The following CDC42BPA variants were observed in gnomAD, a reference collection of about 807,000 sequenced individuals.
CDC42BPA encodes serine/threonine-protein kinase MRCK alpha.
CDC42BPA carries 80 observed loss-of-function variants against 223.5 expected under a neutral mutation model. The ratio of observed to expected loss-of-function variants is 0.36; its 90% CI spans 0.30 to 0.43. The LOEUF (loss-of-function observed/expected upper bound fraction) is 0.43. CDC42BPA is among the 20% of genes least tolerant of loss of function. CDC42BPA has a pLI of 1.00. For missense variants in CDC42BPA, 1,743 were observed against 2,099.9 expected (o/e 0.83, Z 3.32); for synonymous variants, 694 against 718.6 (o/e 0.97, Z 0.55).
intron 4 of CDC42BPA, among the ~76,000 whole-genome samples, chr1:227,196,188 A>G (rs6662583): frequency 0.37 from 55,599 of 151,642 alleles, 10,321 homozygotes; most frequent in Middle Eastern, 0.39. Flanking sequence ...TGAGCATTTC[A>G]AGGAACAGAT....
At chr1:227,225,772 G>A (rs752498343) in intron 2 of CDC42BPA, among the ~76,000 whole-genome samples, 3 of 144,674 alleles carry the variant, frequency 2.1e-5, no homozygotes, top group African/African-American at 5.2e-5. Flanking sequence ...AATACATTTA[G>A]TGAAGCAGGG....
intron 17 of CDC42BPA, among the ~76,000 whole-genome samples, chr1:227,075,739 A>G (rs1679340707): frequency 6.6e-6 from 1 of 152,120 alleles, no homozygotes; most frequent in Non-Finnish European, 1.5e-5. Context: ...TAGAATACAA[A>G]AAAGATACTT....
chr1:227,193,085 T>G (rs1399591207), intron 5 of CDC42BPA, among the ~76,000 whole-genome samples: 6 of 145,068 alleles, frequency 4.1e-5, no homozygotes, highest in African/African-American at 1.5e-4. Flanking sequence ...TTTTTTTTTT[T>G]GGAGACAGAG....
At position 227,317,240 on chromosome 1, in the gene CDC42BPA, T is replaced by C. The variant is rs1573058248; in HGVS notation, c.-58A>G. The C allele has an allele frequency of 6.5e-7, 1 of 1,528,654 alleles. No homozygotes were observed. The highest frequency in any genetic ancestry group is 8.8e-7 in the Non-Finnish European group (1 of 1,130,116). 94.7% of individuals were successfully genotyped at this position (1,528,654 alleles called of 1,614,324 possible). A position where few individuals can be genotyped will look rare whatever the true frequency, so the allele number is the denominator to read the frequency against. On this transcript the variant is annotated 5_prime_UTR_variant, in exon 1 of 37. Coordinates refer to ENST00000366766, the MANE Select transcript of CDC42BPA (RefSeq NM_001394014.1). ...ATTATTATGATGACTTTTACTATTA[T>C]CTGAACCTAAATTTTAAAAGGTATG... is the stretch of plus-strand genomic sequence containing the variant.
At chr1:227,191,979 A>AC (rs1396418199) in intron 5 of CDC42BPA, among the ~76,000 whole-genome samples, 1 of 151,402 alleles carries the variant, frequency 6.6e-6, no homozygotes. Flanking sequence ...TAAAAAAAAA[A>AC]AACTGCATTG....
intron 3 of CDC42BPA, among the ~76,000 whole-genome samples, chr1:227,201,060 T>C (rs1445413002): frequency 6.6e-6 from 1 of 152,236 alleles, no homozygotes; most frequent in Non-Finnish European, 1.5e-5. Context: ...TTTAAAGTTG[T>C]AGTTTATTCT....
intron 2 of CDC42BPA, among the ~76,000 whole-genome samples, chr1:227,225,089 T>C (rs892818259): frequency 6.6e-6 from 1 of 152,192 alleles, no homozygotes; most frequent in Admixed American, 6.5e-5. Flanking sequence ...CCATAAGAAA[T>C]CAGATTTACA....
rs760038913 is a variant in CDC42BPA at position 227,213,208 on chromosome 1, T to A, written c.282A>T (p.Val94=). 2.7e-6 allele frequency: 4 copies of A among 1,503,584 alleles called. No individual in the cohort carries two copies. The South Asian group carries it at 4.8e-5, about 18-fold the overall frequency. The allele number at this position is 1,503,584 out of a possible 1,614,324, so 93.1% of individuals were successfully genotyped here. A position where few individuals can be genotyped will look rare whatever the true frequency, so the allele number is the denominator to read the frequency against. Residue 94 remains valine (V), a synonymous_variant, in exon 3 of 37, where the codon GTA becomes GTT. Transcript: ENST00000366766. ...GRGAFGEVAV[V]KLKNADKVFA... ...ACACTTTATCTGCATTTTTTAGTTTTACTACAGCAACCTAGAAAAGATAAA... is the reference window on the plus strand; with the variant it reads ...ACACTTTATCTGCATTTTTTAGTTTAACTACAGCAACCTAGAAAAGATAAA...
At chr1:227,253,649 T>TACA (rs1343897789) in intron 2 of CDC42BPA, among the ~76,000 whole-genome samples, 40 of 113,790 alleles carry the variant, frequency 3.5e-4, no homozygotes, top group African/African-American at 7.3e-4. Context: ...CATACATACA[T>TACA]TCATACATAA....
At chr1:227,063,415 T>C (rs1391136187) in intron 21 of CDC42BPA, among the ~76,000 whole-genome samples, 2 of 152,106 alleles carry the variant, frequency 1.3e-5, no homozygotes, top group Admixed American at 1.3e-4. Context: ...CTAATAGTTT[T>C]TAAGGTTCAA....
chr1:227,025,790 T>C (rs911615931), intron 31 of CDC42BPA, among the ~76,000 whole-genome samples: 1 of 152,162 alleles, frequency 6.6e-6, no homozygotes, highest in Non-Finnish European at 1.5e-5. Context: ...CATTTTAAGT[T>C]GTAGGATATA....
chr1:227,130,337 T>C (rs551111439), intron 10 of CDC42BPA, among the ~76,000 whole-genome samples: 8 of 152,162 alleles, frequency 5.3e-5, no homozygotes, highest in Non-Finnish European at 1.2e-4. Flanking sequence ...AGTCAATAAA[T>C]ATTTGTTAAT....
chr1:227,043,870 G>C (rs776646864), intron 23 of CDC42BPA, among the ~76,000 whole-genome samples: 44 of 152,122 alleles, frequency 2.9e-4, no homozygotes, highest in Non-Finnish European at 3.8e-4. Context: ...GTAAAGGAAA[G>C]AGATTTTTCT....
At chr1:226,996,003 C>T (rs142514724) in intron 35 of CDC42BPA, among the ~76,000 whole-genome samples, 2,165 of 152,348 alleles carry the variant, frequency 0.014, 20 homozygotes, top group Middle Eastern at 0.044. Flanking sequence ...GCACATTTAT[C>T]TAATGACCAC....
chr1:227,030,456 C>T lies in CDC42BPA; in HGVS notation c.3790G>A (p.Ala1264Thr). Residue 1264 changes from alanine to threonine, a missense_variant, in exon 29 of 37, where the codon GCT (alanine) becomes ACT (threonine). Physicochemically the swap from Ala to Thr is moderately conservative, Grantham distance 58. Coordinates refer to ENST00000366766, the MANE Select transcript of CDC42BPA (RefSeq NM_001394014.1). ...AATAACCCTTCTTCGTTTCCCAAAGCAATTCTTTCATGATCTATGTAAGAC... is the reference window on the plus strand; with the variant it reads ...AATAACCCTTCTTCGTTTCCCAAAGTAATTCTTTCATGATCTATGTAAGAC... Reference protein sequence around the residue: ...AAAIIDHERIALGNEEGLFVV... With the variant: ...AAAIIDHERITLGNEEGLFVV... The T allele has an allele frequency of 6.3e-7, 1 of 1,598,672 alleles. No individual in the cohort carries two copies. Among genetic ancestry groups the T allele is most frequent in the Non-Finnish European group, 8.5e-7 (1 of 1,171,960 alleles).
intron 1 of CDC42BPA, among the ~76,000 whole-genome samples, chr1:227,316,298 C>T (rs1180038667): frequency 6.6e-6 from 1 of 152,174 alleles, no homozygotes; most frequent in Non-Finnish European, 1.5e-5. Flanking sequence ...TATTCCACTA[C>T]AGTAGGTCTT....
intron 1 of CDC42BPA, among the ~76,000 whole-genome samples, chr1:227,268,440 C>A (rs143024690): frequency 0.011 from 1,640 of 151,836 alleles, 33 homozygotes; most frequent in African/African-American, 0.037. Context: ...AAGACACACG[C>A]CCCCACCAGG....
rs1469608138 is a variant in CDC42BPA at position 227,023,227 on chromosome 1, A to G, written c.4615+36T>C. 5 of 994,342 alleles carry G rather than the reference A, an allele frequency of 5.0e-6. No individual in the cohort carries two copies. The Admixed American group carries it at 6.3e-5, about 13-fold the overall frequency. 61.6% of individuals were successfully genotyped at this position (994,342 alleles called of 1,614,324 possible). On this transcript the variant is annotated intron_variant, in intron 32 of 36. Transcript: ENST00000366766. Reference sequence around the variant, plus strand: ...AGTTAGCTTAGAAATAATATTTCCAATGAAGCTATCCCTATGAATATATGT... The same window carrying G: ...AGTTAGCTTAGAAATAATATTTCCAGTGAAGCTATCCCTATGAATATATGT...
chr1:227,223,987 T>G (rs1220600414), intron 2 of CDC42BPA, among the ~76,000 whole-genome samples: 1 of 152,198 alleles, frequency 6.6e-6, no homozygotes, highest in Admixed American at 6.5e-5. Flanking sequence ...AGGTAGGCTA[T>G]GATGGTTAGG....
Sources: allele counts gnomAD v4.1 joint callset (sites outside exome capture counted in the v4.1 genomes callset), GRCh38; gene constraint gnomAD v4.1.1; transcripts MANE v1.5; gene names NCBI Gene and HGNC (gene_info 2026-07-23, HGNC 2026-07-21).